Variants in PDE4B observed in about 807,000 individuals in gnomAD.
The protein encoded by PDE4B is phosphodiesterase 4B.
In PDE4B, 20 loss-of-function variants were observed where a neutral mutation model predicts 82.2. The observed-to-expected ratio is 0.24, with a 90% confidence interval of 0.17 to 0.35. PDE4B has a LOEUF of 0.35. PDE4B is among the 10% of genes least tolerant of loss of function. The pLI, the probability that PDE4B is intolerant of heterozygous loss-of-function variation, is 1.00. For synonymous variants in PDE4B, 320 were observed against 318.9 expected, an observed-to-expected ratio of 1.00 and a Z score of -0.04; for missense variants, 655 against 907.2, an observed-to-expected ratio of 0.72 and a Z score of 3.57.
intron 3 of PDE4B, among the ~76,000 whole-genome samples, chr1:66,105,154 A>C (rs1557564185): frequency 6.6e-6 from 1 of 151,472 alleles, no homozygotes; most frequent in Non-Finnish European, 1.5e-5. Flanking sequence ...AGCTTTCTAC[A>C]TATGGCTAGC....
intron 3 of PDE4B, among the ~76,000 whole-genome samples, chr1:66,045,549 T>A (rs190795007): frequency 9.2e-5 from 14 of 151,894 alleles, no homozygotes; most frequent in Non-Finnish European, 2.1e-4. Flanking sequence ...TATTCAAGAA[T>A]GTAGCAGGAA....
At chr1:65,982,225 A>G (rs1241448379) in intron 3 of PDE4B, among the ~76,000 whole-genome samples, 1 of 152,270 alleles carries the variant, frequency 6.6e-6, no homozygotes, top group East Asian at 1.9e-4. Context: ...ATAGAAAAGA[A>G]CGTGGCCTAC....
chr1:66,250,000 T>G (rs1653626999), intron 4 of PDE4B, among the ~76,000 whole-genome samples: 1 of 152,256 alleles, frequency 6.6e-6, no homozygotes, highest in African/African-American at 2.4e-5. Context: ...TTTGGAATTA[T>G]ATTTCACAAC....
intron 3 of PDE4B, among the ~76,000 whole-genome samples, chr1:65,940,745 G>A (rs79161989): frequency 1.6e-4 from 25 of 152,016 alleles, no homozygotes; most frequent in African/African-American, 6.0e-4. Flanking sequence ...AATATTTTTT[G>A]GGGTATAAAC....
intron 3 of PDE4B, among the ~76,000 whole-genome samples, chr1:66,203,574 C>A (rs1254026486): frequency 6.6e-6 from 1 of 152,024 alleles, no homozygotes; most frequent in Admixed American, 6.6e-5. Flanking sequence ...TCTTAACTTC[C>A]CTTCTTGCTT....
intron 3 of PDE4B, among the ~76,000 whole-genome samples, chr1:66,146,845 A>G (rs1646283823): frequency 1.3e-5 from 2 of 152,234 alleles, no homozygotes; most frequent in South Asian, 4.1e-4. Context: ...GTGTTCCATT[A>G]AAAGTGACCA....
chr1:66,319,501 C>T (rs567417961), intron 7 of PDE4B, among the ~76,000 whole-genome samples: 33 of 152,320 alleles, frequency 2.2e-4, no homozygotes, highest in African/African-American at 7.5e-4. Flanking sequence ...ATTCTCTGCA[C>T]TCTTATAATT....
chr1:66,273,012 A>C (rs1326221375), intron 7 of PDE4B, among the ~76,000 whole-genome samples: 1 of 151,652 alleles, frequency 6.6e-6, no homozygotes, highest in Non-Finnish European at 1.5e-5. Flanking sequence ...AGATGGTCTC[A>C]ATCTCTTGAC....
At chr1:66,195,770 G>C (rs1648248929) in intron 3 of PDE4B, among the ~76,000 whole-genome samples, 1 of 152,126 alleles carries the variant, frequency 6.6e-6, no homozygotes, top group East Asian at 1.9e-4. Flanking sequence ...TTTGTTAGTG[G>C]CAGTTGGCTG....
At chr1:65,920,959 CTTTTTTTTTTT>C (rs71058435) in intron 3 of PDE4B, among the ~76,000 whole-genome samples, 3 of 68,150 alleles carry the variant, frequency 4.4e-5, no homozygotes, top group Non-Finnish European at 5.7e-5. Context: ...AAAAGCATTT[CTTTTTTTTTTT>C]TTTTTTTTTT....
In PDE4B at chr1:65,885,780, C is replaced by T. The variant is rs1172323204; in HGVS notation, c.-70-27465C>T. Among the ~76,000 whole-genome samples the T allele has an allele frequency of 2.0e-5, 3 of 151,628 alleles. No homozygotes were observed. The East Asian group carries it at 5.8e-4, about 29-fold the overall frequency. Reference sequence around the variant, plus strand: ...AATGTAAGTGATGAGTTAATGGGTGCAGCACACCAACATGGCACATGTATA... The same window carrying T: ...AATGTAAGTGATGAGTTAATGGGTGTAGCACACCAACATGGCACATGTATA... On this transcript the variant is annotated intron_variant, in intron 1 of 16. Coordinates refer to ENST00000341517, the MANE Select transcript of PDE4B (RefSeq NM_002600.4).
At chr1:66,231,158 A>G (rs1190981409) in intron 3 of PDE4B, among the ~76,000 whole-genome samples, 1 of 152,214 alleles carries the variant, frequency 6.6e-6, no homozygotes, top group African/African-American at 2.4e-5. Flanking sequence ...AACATATTGA[A>G]GAATATTGAA....
intron 3 of PDE4B, among the ~76,000 whole-genome samples, chr1:66,110,084 A>G (rs139158220): frequency 1.8e-4 from 27 of 152,160 alleles, no homozygotes; most frequent in African/African-American, 5.5e-4. Context: ...TCAGGGTACC[A>G]TATAAACCTG....
At chr1:66,067,616 A>G (rs9436758) in intron 3 of PDE4B, among the ~76,000 whole-genome samples, 15,557 of 151,886 alleles carry the variant, frequency 0.1, 945 homozygotes, top group South Asian at 0.22. Flanking sequence ...AGATTGCAAA[A>G]ATTTTCTCCC....
At chr1:65,961,354 A>G (rs1276804784) in intron 3 of PDE4B, among the ~76,000 whole-genome samples, 1 of 152,162 alleles carries the variant, frequency 6.6e-6, no homozygotes, top group Admixed American at 6.6e-5. Context: ...TGTGCCTGGT[A>G]TGTTTGCAAA....
chr1:66,231,110 A>G (rs903803944), intron 3 of PDE4B, among the ~76,000 whole-genome samples: 3 of 152,162 alleles, frequency 2.0e-5, no homozygotes, highest in Non-Finnish European at 4.4e-5. Context: ...TTCCTTGTCT[A>G]GAGTAGAATG....
intron 1 of PDE4B, among the ~76,000 whole-genome samples, chr1:65,885,845 A>C (rs574761410): frequency 1.2e-4 from 17 of 147,572 alleles, no homozygotes; most frequent in African/African-American, 3.8e-4. Flanking sequence ...ATGTACCCTA[A>C]AACTTAACGT....
chr1:65,849,630 A>G (rs979360484), intron 1 of PDE4B, among the ~76,000 whole-genome samples: 1 of 152,140 alleles, frequency 6.6e-6, no homozygotes, highest in South Asian at 2.1e-4. Context: ...CTCCACTGCA[A>G]AACTACCTGA....
At chr1:65,898,107 A>G (rs1464255224) in intron 1 of PDE4B, among the ~76,000 whole-genome samples, 2 of 152,096 alleles carry the variant, frequency 1.3e-5, no homozygotes, top group African/African-American at 2.4e-5. Context: ...GCATTTATTC[A>G]TATGCCTTTT....
Sources: allele counts gnomAD v4.1 joint callset (sites outside exome capture counted in the v4.1 genomes callset), GRCh38; gene constraint gnomAD v4.1.1; transcripts MANE v1.5; gene names NCBI Gene and HGNC (gene_info 2026-07-23, HGNC 2026-07-21).